Variants in SLC11A2 observed in about 807,000 individuals in gnomAD.
The protein encoded by SLC11A2 is solute carrier family 11 member 2, also known as natural resistance-associated macrophage protein 2.
SLC11A2 carries 38 observed loss-of-function variants against 68.0 expected under a neutral mutation model. The ratio of observed to expected loss-of-function variants is 0.56; its 90% CI spans 0.43 to 0.73. The LOEUF is 0.73. Ranked by LOEUF, SLC11A2 falls within the 30% of genes least tolerant of loss-of-function variation. SLC11A2 has a pLI of 0.00. For missense variants in SLC11A2, 517 were observed against 690.5 expected (o/e 0.75, Z 2.82); for synonymous variants, 242 against 250.6 (o/e 0.97, Z 0.32).
chr12:51,022,081 C>T (rs2136415344), intron 1 of SLC11A2, among the ~76,000 whole-genome samples: 1 of 152,260 alleles, frequency 6.6e-6, no homozygotes, highest in South Asian at 2.1e-4. Context: ...GTCTTACTTC[C>T]AGTGACTATA....
chr12:50,983,435 G>A (rs1940245615), downstream of SLC11A2, among the ~76,000 whole-genome samples: 6 of 152,256 alleles, frequency 3.9e-5, no homozygotes, highest in South Asian at 1.2e-3. Flanking sequence ...CACTGGAGTT[G>A]GGTTCAAGCC....
intron 13 of SLC11A2, 59 bp from the exon 14 acceptor site, chr12:50,991,731 C>T (rs1305138542): frequency 2.4e-6 from 3 of 1,270,352 alleles, no homozygotes; most frequent in Non-Finnish European, 3.4e-6. Context: ...CCCTAGAGAA[C>T]AGCACAATTA....
At chr12:51,018,040 T>C (rs1191447507) in intron 1 of SLC11A2, among the ~76,000 whole-genome samples, 1 of 152,242 alleles carries the variant, frequency 6.6e-6, no homozygotes, top group Non-Finnish European at 1.5e-5. Context: ...TAATTCTGTA[T>C]ATTCTCTTAG....
At chr12:50,997,378 T>C (rs1485352152) in intron 8 of SLC11A2, among the ~76,000 whole-genome samples, 1 of 152,172 alleles carries the variant, frequency 6.6e-6, no homozygotes, top group African/African-American at 2.4e-5. Flanking sequence ...CTTAGATATA[T>C]GAAACAGATG....
chr12:50,990,210 C>G (rs1025775692), intron 15 of SLC11A2, among the ~76,000 whole-genome samples: 4 of 151,992 alleles, frequency 2.6e-5, no homozygotes, highest in African/African-American at 9.7e-5. Flanking sequence ...GAGACTATCA[C>G]TATTTAATTA....
At chr12:50,994,019 C>CAAAAAAAAAAAAAA (rs1198919334) in intron 11 of SLC11A2, among the ~76,000 whole-genome samples, 1 of 81,620 alleles carries the variant, frequency 1.2e-5, no homozygotes, top group Non-Finnish European at 2.6e-5. Flanking sequence ...AAAAAAAAAG[C>CAAAAAAAAAAAAAA]TGGGGTGTAT....
At chr12:50,997,471 G>A (rs1592346474) in intron 8 of SLC11A2, among the ~76,000 whole-genome samples, 1 of 152,052 alleles carries the variant, frequency 6.6e-6, no homozygotes, top group South Asian at 2.1e-4. Context: ...GGAGACCAAG[G>A]CAGGCGCATT....
the SLC11A2 span, among the ~76,000 whole-genome samples, chr12:50,969,063 G>A: frequency 3.3e-5 from 5 of 151,814 alleles, no homozygotes; most frequent in African/African-American, 4.8e-5. Context: ...GGGAGGCAGA[G>A]GCGGGTGGAT....
chr12:51,003,463 T>C (rs1316960178), intron 5 of SLC11A2, among the ~76,000 whole-genome samples: 2 of 151,122 alleles, frequency 1.3e-5, no homozygotes, highest in African/African-American at 4.9e-5. Flanking sequence ...TGGAATCGCC[T>C]CACTGCAAGA....
chr12:50,963,002 TA>T, the SLC11A2 span, among the ~76,000 whole-genome samples: 3 of 147,526 alleles, frequency 2.0e-5, no homozygotes, highest in African/African-American at 7.7e-5. Context: ...TATTTGAACT[TA>T]TATAATTATG....
At chr12:51,007,256 G>A (rs1484395027) in intron 3 of SLC11A2, among the ~76,000 whole-genome samples, 1 of 152,130 alleles carries the variant, frequency 6.6e-6, no homozygotes, top group Non-Finnish European at 1.5e-5. Context: ...GGGACTTCCT[G>A]GGGCTGTGTC....
intron 1 of SLC11A2, among the ~76,000 whole-genome samples, chr12:51,022,090 T>C (rs1481845512): frequency 6.6e-6 from 1 of 152,184 alleles, no homozygotes; most frequent in Non-Finnish European, 1.5e-5. Context: ...CCAGTGACTA[T>C]AGCTTCGTCT....
the SLC11A2 span, chr12:50,953,944 A>T: frequency 9.4e-7 from 1 of 1,063,488 alleles, no homozygotes; most frequent in East Asian, 2.4e-5. Context: ...AAAACAAATT[A>T]TTTTTAATGA....
chr12:51,005,180 C>A (rs1942614260), intron 4 of SLC11A2, 131 bp downstream of exon 4: 6 of 1,040,366 alleles, frequency 5.8e-6, no homozygotes, highest in Non-Finnish European at 9.0e-6. Flanking sequence ...AAGTACTTTA[C>A]ACATAAGAGC....
chr12:50,986,219 T>A lies in SLC11A2; in HGVS notation c.*2106A>T. 7 of 1,283,564 alleles carry A rather than the reference T, an allele frequency of 5.5e-6. No individual in the cohort carries two copies. Among genetic ancestry groups the A allele is most frequent in the Non-Finnish European group, 7.1e-6 (7 of 985,328 alleles). The allele number at this position is 1,283,564 out of a possible 1,614,324, so 79.5% of individuals were successfully genotyped here. A position where few individuals can be genotyped will look rare whatever the true frequency, so the allele number is the denominator to read the frequency against. ...TTATATAAAGTACAATTGTATATCC[T>A]TAAACATTCCACATAAACACACTGT... On this transcript the variant is annotated 3_prime_UTR_variant, in exon 16 of 16. Coordinates refer to ENST00000262052, the MANE Select transcript of SLC11A2 (RefSeq NM_000617.3).
In SLC11A2 at chr12:51,004,776, T is replaced by C. The variant is rs200871484; in HGVS notation, c.429+12A>G. ...CATGGGTGAGAGACAAACAGGACAA[T>C]ACATTGCTCACCTTGGGATACTGAC... is the stretch of plus-strand genomic sequence containing the variant. On this transcript the variant is annotated intron_variant, in intron 5 of 15. Coordinates refer to ENST00000262052, the MANE Select transcript of SLC11A2 (RefSeq NM_000617.3). 19 of 1,613,470 alleles carry C rather than the reference T, an allele frequency of 1.2e-5. No homozygotes were observed. The South Asian group carries it at 1.3e-4, about 11-fold the overall frequency.
At chr12:51,023,745 A>G (rs1267917320) in intron 1 of SLC11A2, among the ~76,000 whole-genome samples, 1 of 152,196 alleles carries the variant, frequency 6.6e-6, no homozygotes, top group African/African-American at 2.4e-5. Context: ...TAAATCCTAA[A>G]GAAGTATTAA....
rs1592379948 is a variant in SLC11A2 at position 51,005,240 on chromosome 12, T to C, written c.309+71A>G. 9.1e-6 allele frequency: 14 copies of C among 1,537,970 alleles called. No individual in the cohort carries two copies. In the East Asian group the frequency reaches 2.7e-4, roughly 30 times the overall value. On this transcript the variant is annotated intron_variant, in intron 4 of 15. Transcript: ENST00000262052. ...TAGCCCCTGAGGCTACTATCCAACA[T>C]GCAGGGTGGAGAAAAGGATGTGAGA...
At chr12:51,018,656 T>C (rs1214905596) in intron 1 of SLC11A2, among the ~76,000 whole-genome samples, 2 of 151,648 alleles carry the variant, frequency 1.3e-5, no homozygotes, top group Admixed American at 1.3e-4. Flanking sequence ...TAGTGCGTGC[T>C]ACTTGGGAGA....
Sources: allele counts gnomAD v4.1 joint callset (sites outside exome capture counted in the v4.1 genomes callset), GRCh38; gene constraint gnomAD v4.1.1; transcripts MANE v1.5; gene names NCBI Gene and HGNC (gene_info 2026-07-23, HGNC 2026-07-21).